The following SLC39A5 variants were observed in gnomAD, a reference collection of about 807,000 sequenced individuals.
SLC39A5 encodes the protein solute carrier family 39 member 5, also known as zinc transporter ZIP5.
A neutral mutation model predicts 46.9 loss-of-function variants in SLC39A5; 42 were observed. That is an observed-to-expected ratio of 0.90 (90% CI 0.70 to 1.16). SLC39A5 has a LOEUF of 1.16. Ranked by LOEUF, SLC39A5 falls within the 50% of genes most tolerant of loss-of-function variation. The probability of loss-of-function intolerance (pLI) is 0.00; values close to 1 mark genes in which losing one functional copy is unlikely to be tolerated. For synonymous variants in SLC39A5, 311 were observed against 323.1 expected, an observed-to-expected ratio of 0.96 and a Z score of 0.40; for missense variants, 677 against 686.8, an observed-to-expected ratio of 0.99 and a Z score of 0.16.
At chr12:56,235,478 C>G in intron 7 of SLC39A5, 82 bp from the exon 8 acceptor site, 1 of 1,545,164 alleles carries the variant, frequency 6.5e-7, no homozygotes, top group Non-Finnish European at 8.7e-7. Context: ...AGCATATGAG[C>G]GAAGGCTTGC....
chr12:56,235,004 G>A lies in SLC39A5; in HGVS notation c.634+18G>A, dbSNP rs1053993047. The A allele has an allele frequency of 1.2e-6, 2 of 1,611,854 alleles. No homozygotes were observed. The highest frequency in any genetic ancestry group is 2.7e-5 in the African/African-American group (2 of 74,908). ...ACTATCTGGTCAGCAAGTAGGAGTGGGTGGGGGACACCCTGAATCCTGGAA... is the reference window on the plus strand; with the variant it reads ...ACTATCTGGTCAGCAAGTAGGAGTGAGTGGGGGACACCCTGAATCCTGGAA... On this transcript the variant is annotated intron_variant, in intron 6 of 12. Coordinates refer to ENST00000454355, the MANE Select transcript of SLC39A5 (RefSeq NM_173596.3).
At position 56,235,285 on chromosome 12, in the gene SLC39A5, G is replaced by A; in HGVS notation, c.763G>A (p.Gly255Ser). ...GGGCTTCCTGGGGGCCCTGGCGGTG[G>A]GCACTCTTTGTGGGGATGCACTGCT... Reference protein sequence around the residue: ...LLGFLGALAVGTLCGDALLHL... With the variant: ...LLGFLGALAVSTLCGDALLHL... Residue 255 changes from glycine to serine, a missense_variant, in exon 7 of 13, where the codon GGC becomes AGC. Coordinates refer to ENST00000454355, the MANE Select transcript of SLC39A5 (RefSeq NM_173596.3). The A allele has an allele frequency of 6.4e-7, 1 of 1,551,348 alleles. No homozygotes were observed. The highest frequency in any genetic ancestry group is 8.7e-7 in the Non-Finnish European group (1 of 1,155,854).
chr12:56,231,730 C>T (rs1436336121), intron 4 of SLC39A5, among the ~76,000 whole-genome samples, 169 bp downstream of exon 4: 1 of 152,098 alleles, frequency 6.6e-6, no homozygotes, highest in Non-Finnish European at 1.5e-5. Context: ...ATTGCCTTCT[C>T]TCTCTTTTCT....
In SLC39A5 at chr12:56,236,692, T is replaced by C. The variant is rs1870808816; in HGVS notation, c.1153T>C (p.Trp385Arg). 1 of 1,612,656 alleles carries C rather than the reference T, an allele frequency of 6.2e-7. No individual in the cohort carries two copies. The highest frequency in any genetic ancestry group is 1.3e-5 in the African/African-American group (1 of 74,878). Residue 385 changes from tryptophan (W) to arginine (R), a missense_variant, in exon 10 of 13, where the codon TGG becomes CGG. By Grantham distance (101) the Trp-to-Arg change is moderately radical. Transcript: ENST00000454355. ...GCACCAGGGTGGCACTGATATCACG[T>C]GGATGGTCCTCCTGGGAGATGGTCT... ...HGHQGGTDIT[W>R]MVLLGDGLHN...
At position 56,236,664 on chromosome 12, in the gene SLC39A5, TG is replaced by T. The variant is rs1403479516; in HGVS notation, c.1128del (p.His377ThrfsTer26). The T allele has an allele frequency of 4.3e-6, 7 of 1,613,640 alleles. No homozygotes were observed. Among genetic ancestry groups the T allele is most frequent in the South Asian group, 1.1e-5 (1 of 91,040 alleles). On this transcript the variant is annotated frameshift_variant, in exon 10 of 13. Coordinates refer to ENST00000454355, the MANE Select transcript of SLC39A5 (RefSeq NM_173596.3). LOFTEE classifies it high-confidence loss of function. ...CTCCTGGGCACCAAGGCCACAGTCATGGGCACCAGGGTGGCACTGATATCAC... is the reference window on the plus strand; with the variant it reads ...CTCCTGGGCACCAAGGCCACAGTCATGGCACCAGGGTGGCACTGATATCAC... ...APPGHQGHSHGHQGGTDITWM... is the reference protein window; with the variant it reads ...APPGHQGHSHXHQGGTDITWM...
At chr12:56,235,365 G>A (rs1398838225) in intron 7 of SLC39A5, 39 bp downstream of exon 7, 63 of 1,507,188 alleles carry the variant, frequency 4.2e-5, no homozygotes, top group Non-Finnish European at 5.4e-5. Context: ...GGCCTCCATG[G>A]ATCTAAGGTG....
chr12:56,237,069 T>TA, intron 11 of SLC39A5, 58 bp downstream of exon 11: 1 of 1,612,652 alleles, frequency 6.2e-7, no homozygotes, highest in Non-Finnish European at 8.5e-7. Context: ...CTCCAAGGGG[T>TA]AGAGCTTGGA....
intron 7 of SLC39A5, 55 bp from the exon 8 acceptor site, chr12:56,235,505 G>A: frequency 6.3e-7 from 1 of 1,580,180 alleles, no homozygotes; most frequent in Non-Finnish European, 8.6e-7. Flanking sequence ...CCATGCAAGG[G>A]GATGTTGTTG....
chr12:56,235,746 A>G, intron 8 of SLC39A5, 46 bp downstream of exon 8: 2 of 1,610,326 alleles, frequency 1.2e-6, no homozygotes, highest in South Asian at 2.2e-5. Context: ...CCAGAGTCCC[A>G]GTCAAGAACT....
chr12:56,232,951 G>T (rs1243510392), intron 5 of SLC39A5, 79 bp downstream of exon 5: 18 of 1,432,400 alleles, frequency 1.3e-5, no homozygotes, highest in Non-Finnish European at 1.4e-5. Flanking sequence ...GTAGTTTTTT[G>T]TTTTGTTTTG....
rs567889202 is a variant in SLC39A5, at chr12:56,236,828, G to A, written c.1207+82G>A. The A allele has an allele frequency of 1.6e-5, 26 of 1,582,814 alleles. No homozygotes were observed. In the Middle Eastern group the frequency reaches 1.0e-3, roughly 62 times the overall value. On this transcript the variant is annotated intron_variant, in intron 10 of 12. Transcript: ENST00000454355. The stretch of plus-strand genomic sequence containing the variant: ...TATCAGCTGGGGCTAGGAGAGGGCC[G>A]TCAGGAAGATGGGGAGAGGACGGGA...
At chr12:56,231,143 TCCC>T in intron 3 of SLC39A5, 58 bp from the exon 4 acceptor site, 1 of 1,006,824 alleles carries the variant, frequency 9.9e-7, no homozygotes, top group Non-Finnish European at 1.4e-6. Flanking sequence ...GAGCTCTGGC[TCCC>T]CCATGGACCT....
chr12:56,235,950 G>A, intron 8 of SLC39A5: 5 of 517,182 alleles, frequency 9.7e-6, no homozygotes, highest in Non-Finnish European at 1.7e-5. Context: ...GGCTGAGGCA[G>A]GAGAATCGCT....
Position 56,237,205 on chromosome 12 carries a change from G to A in SLC39A5, c.1344G>A (p.Leu448=), listed in dbSNP as rs1222742320. 1 of 1,613,854 alleles carries A rather than the reference G, an allele frequency of 6.2e-7. No homozygotes were observed. Among genetic ancestry groups the A allele is most frequent in the South Asian group, 1.1e-5 (1 of 91,086 alleles). ...SGLSFRRLLL[L]SLVSGALGLG... Reference sequence around the variant, plus strand: ...TGTCCTTTCGGCGGCTGCTGCTGCTGAGCCTCGTGTCTGGAGCCCTGGGAT... The same window carrying A: ...TGTCCTTTCGGCGGCTGCTGCTGCTAAGCCTCGTGTCTGGAGCCCTGGGAT... Residue 448 remains leucine, a synonymous_variant, in exon 12 of 13, where the codon CTG becomes CTA. Coordinates refer to ENST00000454355, the MANE Select transcript of SLC39A5 (RefSeq NM_173596.3).
chr12:56,237,413 C>T (rs1592382021), intron 12 of SLC39A5, 73 bp downstream of exon 12: 2 of 1,531,328 alleles, frequency 1.3e-6, no homozygotes, highest in South Asian at 1.3e-5. Flanking sequence ...GGTAGCAGTC[C>T]CTCCGCCTCT....
At chr12:56,231,011 T>A in intron 3 of SLC39A5, 138 bp downstream of exon 3, 1 of 474,270 alleles carries the variant, frequency 2.1e-6, no homozygotes, top group Non-Finnish European at 3.7e-6. Flanking sequence ...AGGAGAGCTC[T>A]GACTCAGGGA....
In SLC39A5 at chr12:56,236,495, G is replaced by A; in HGVS notation, c.1042+3G>A. ...TCAGCCCCTACAGGCAGCTCCAGGT[G>A]ACTAGAGGAGAAAATTTGAAGAGTA... On this transcript the variant is annotated splice_donor_region_variant and intron_variant, in intron 9 of 12. Coordinates refer to ENST00000454355, the MANE Select transcript of SLC39A5 (RefSeq NM_173596.3). 5.0e-6 allele frequency: 8 copies of A among 1,614,244 alleles called. No individual in the cohort carries two copies. The highest frequency in any genetic ancestry group is 6.8e-6 in the Non-Finnish European group (8 of 1,180,040).
chr12:56,236,457 G>C lies in SLC39A5; in HGVS notation c.1007G>C (p.Ser336Thr), dbSNP rs148647797. 4.3e-6 allele frequency: 7 copies of C among 1,614,262 alleles called. No homozygotes were observed. The highest frequency in any genetic ancestry group is 5.9e-6 in the Non-Finnish European group (7 of 1,180,050). The change falls in exon 9 of 13, where the codon AGT becomes ACT. Residue 336 changes from serine to threonine, a missense_variant. By Grantham distance (58) the Ser-to-Thr change is moderately conservative (BLOSUM62 1). Transcript: ENST00000454355. ...CGCAACTTGGATCCGGAGAATGGCA[G>C]TGGGATGGCCCTTCAGCCCCTACAG... The part of the protein sequence containing the change: ...ETRNLDPENG[S>T]GMALQPLQAA...
chr12:56,235,363 T>C, intron 7 of SLC39A5, 37 bp downstream of exon 7: 1 of 1,506,048 alleles, frequency 6.6e-7, no homozygotes, highest in Non-Finnish European at 8.8e-7. Context: ...CTGGCCTCCA[T>C]GGATCTAAGG....
Sources: allele counts gnomAD v4.1 joint callset (sites outside exome capture counted in the v4.1 genomes callset), GRCh38; gene constraint gnomAD v4.1.1; transcripts MANE v1.5; gene names NCBI Gene and HGNC (gene_info 2026-07-23, HGNC 2026-07-21).